Variants in TBCK observed in about 807,000 individuals in gnomAD.
TBCK encodes TBC1 domain containing kinase.
In TBCK, 99 loss-of-function variants were observed where a neutral mutation model predicts 113.4. The ratio of observed to expected loss-of-function variants is 0.87; its 90% confidence interval spans 0.74 to 1.03. TBCK has a LOEUF of 1.03. Ranked by LOEUF, TBCK falls within the 50% of genes least tolerant of loss-of-function variation. The pLI is 0.00. For missense variants in TBCK, 1,045 were observed against 1,061.3 expected (o/e 0.98, Z 0.21); for synonymous variants, 369 against 370.8 (o/e 1.00, Z 0.05).
chr4:106,215,247 G>C (rs1439575468), intron 19 of TBCK, among the ~76,000 whole-genome samples: 4 of 152,034 alleles, frequency 2.6e-5, no homozygotes, highest in African/African-American at 7.2e-5. Flanking sequence ...ACCGGTACCA[G>C]CCGCTGCAAA....
In TBCK at chr4:106,067,535, G is replaced by C. The variant is rs1476710432; in HGVS notation, c.2572-20855C>G. Among the ~76,000 whole-genome samples, 6 of 152,138 alleles carry C rather than the reference G, an allele frequency of 3.9e-5. No homozygotes were observed. The East Asian group carries it at 1.2e-3, about 29-fold the overall frequency. On this transcript the variant is annotated intron_variant, in intron 25 of 25. Coordinates refer to ENST00000394708, the MANE Select transcript of TBCK (RefSeq NM_001163435.3). The stretch of plus-strand genomic sequence containing the variant: ...AAGTCCAACTTACTGTTTGTTGTCT[G>C]TGCTCTTGGTGTCATATGTAAGAAA...
intron 22 of TBCK, among the ~76,000 whole-genome samples, chr4:106,180,436 G>A (rs1427574040): frequency 2.0e-5 from 3 of 151,768 alleles, no homozygotes; most frequent in Admixed American, 6.6e-5. Context: ...TGCAGAATGT[G>A]CAGTTTTGTT....
At chr4:106,185,865 G>T (rs1037289216) in intron 22 of TBCK, among the ~76,000 whole-genome samples, 4 of 151,870 alleles carry the variant, frequency 2.6e-5, no homozygotes, top group Non-Finnish European at 4.4e-5. Flanking sequence ...GTATTTTTTC[G>T]ATCTTCTTCC....
In TBCK at chr4:106,076,697, C is replaced by A. The variant is rs572738730; in HGVS notation, c.2571+18785G>T. On this transcript the variant is annotated intron_variant, in intron 25 of 25. Transcript: ENST00000394708. ...CAGAAACTTTACAAGCCAGAAGAGA[C>A]TGGGAGCCTATTTTCAATATCTTTA... Among the ~76,000 whole-genome samples the A allele has an allele frequency of 3.3e-5, 5 of 152,260 alleles. No individual in the cohort carries two copies. The South Asian group carries it at 8.3e-4, about 25-fold the overall frequency.
chr4:106,064,485 A>G (rs1455544698), intron 25 of TBCK, among the ~76,000 whole-genome samples: 1 of 151,922 alleles, frequency 6.6e-6, no homozygotes, highest in African/African-American at 2.4e-5. Context: ...TAACAAAAGA[A>G]AAGTATTAAC....
intron 9 of TBCK, 45 bp downstream of exon 9, chr4:106,248,200 G>A: frequency 7.4e-7 from 1 of 1,347,176 alleles, no homozygotes; most frequent in Non-Finnish European, 1.0e-6. Context: ...AATTGCTTAT[G>A]CGTAAAGGAT....
intron 2 of TBCK, among the ~76,000 whole-genome samples, chr4:106,307,520 G>A (rs1767660297): frequency 6.6e-6 from 1 of 151,998 alleles, no homozygotes; most frequent in Non-Finnish European, 1.5e-5. Flanking sequence ...TGAAAGTACA[G>A]TTTAGTCTAT....
intron 20 of TBCK, among the ~76,000 whole-genome samples, 187 bp from the exon 21 acceptor site, chr4:106,194,941 C>T (rs1268457604): frequency 1.3e-5 from 2 of 152,030 alleles, no homozygotes; most frequent in Non-Finnish European, 2.9e-5. Context: ...TTAAGTTCGG[C>T]CTAAAGATTT....
chr4:106,248,136 C>T lies in TBCK; in HGVS notation c.782+109G>A, dbSNP rs1761037746. On this transcript the variant is annotated intron_variant, in intron 9 of 25. Coordinates refer to ENST00000394708, the MANE Select transcript of TBCK (RefSeq NM_001163435.3). ...TTATGATACTGATGTCAATTATATACTACTCCATATGTACATTATCTTTAA... is the reference window on the plus strand; with the variant it reads ...TTATGATACTGATGTCAATTATATATTACTCCATATGTACATTATCTTTAA... The T allele has an allele frequency of 6.8e-6, 4 of 585,338 alleles. No individual in the cohort carries two copies. The South Asian group carries it at 1.5e-4, about 21-fold the overall frequency. The allele number at this position is 585,338 out of a possible 1,614,324, so 36.3% of individuals were successfully genotyped here. A position where few individuals can be genotyped will look rare whatever the true frequency, so the allele number is the denominator to read the frequency against.
chr4:106,264,065 G>A (rs1762748913), intron 3 of TBCK, among the ~76,000 whole-genome samples: 1 of 151,876 alleles, frequency 6.6e-6, no homozygotes, highest in African/African-American at 2.4e-5. Flanking sequence ...TTCTGCAAGA[G>A]GATACAGTTG....
intron 24 of TBCK, among the ~76,000 whole-genome samples, chr4:106,098,088 G>C (rs192690132): frequency 1.1e-3 from 168 of 152,136 alleles, no homozygotes; most frequent in African/African-American, 3.8e-3. Context: ...CACAAAGGTA[G>C]GGTTAGAGAT....
At chr4:106,086,529 C>T (rs1739536746) in intron 25 of TBCK, among the ~76,000 whole-genome samples, 1 of 152,234 alleles carries the variant, frequency 6.6e-6, no homozygotes, top group Non-Finnish European at 1.5e-5. Flanking sequence ...ACCATTCCTT[C>T]TGAAACTATT....
chr4:106,069,826 G>C (rs1167899458), intron 25 of TBCK, among the ~76,000 whole-genome samples: 3 of 152,184 alleles, frequency 2.0e-5, no homozygotes, highest in Non-Finnish European at 4.4e-5. Context: ...TTGTTGAGCA[G>C]TGGTTTGTAG....
intron 24 of TBCK, among the ~76,000 whole-genome samples, chr4:106,110,646 C>A (rs1560658935): frequency 6.6e-6 from 1 of 152,112 alleles, no homozygotes; most frequent in Non-Finnish European, 1.5e-5. Flanking sequence ...GGGTAGAAAT[C>A]TTAAACAACA....
At chr4:106,176,028 TTTAAA>T (rs1260599761) in intron 22 of TBCK, among the ~76,000 whole-genome samples, 6 of 152,126 alleles carry the variant, frequency 3.9e-5, no homozygotes, top group African/African-American at 1.2e-4. Flanking sequence ...TACTGTTATT[TTTAAA>T]TTAATACATA....
At chr4:106,217,027 G>C (rs1757028496) in intron 19 of TBCK, among the ~76,000 whole-genome samples, 1 of 152,138 alleles carries the variant, frequency 6.6e-6, no homozygotes, top group Non-Finnish European at 1.5e-5. Context: ...CCATGATCAA[G>C]TGGGCTTCAT....
chr4:106,245,322 G>T (rs577082701), intron 10 of TBCK, among the ~76,000 whole-genome samples: 1 of 152,162 alleles, frequency 6.6e-6, no homozygotes, highest in Non-Finnish European at 1.5e-5. Context: ...AATGAGCACT[G>T]TTCTTAACAA....
At chr4:106,217,340 T>G (rs1391654749) in intron 19 of TBCK, among the ~76,000 whole-genome samples, 1 of 152,086 alleles carries the variant, frequency 6.6e-6, no homozygotes, top group African/African-American at 2.4e-5. Flanking sequence ...CCACTCCTAT[T>G]CAACATAGTG....
chr4:106,289,325 GT>G (rs1765431900), intron 3 of TBCK, among the ~76,000 whole-genome samples: 1 of 152,124 alleles, frequency 6.6e-6, no homozygotes, highest in South Asian at 2.1e-4. Context: ...TAAAATAGAT[GT>G]TTCTATTAAT....
Sources: allele counts gnomAD v4.1 joint callset (sites outside exome capture counted in the v4.1 genomes callset), GRCh38; gene constraint gnomAD v4.1.1; transcripts MANE v1.5; gene names NCBI Gene and HGNC (gene_info 2026-07-23, HGNC 2026-07-21).